JADE2: variants seen among roughly 807,000 people sequenced by gnomAD.
JADE2 encodes jade family PHD finger 2, also known as E3 ubiquitin-protein ligase Jade-2.
Under a neutral mutation model 85.7 loss-of-function variants are expected in JADE2, and 13 were observed. That is an observed-to-expected ratio of 0.15 (90% CI 0.10 to 0.24). The LOEUF (loss-of-function observed/expected upper bound fraction) is 0.24. JADE2 is among the 10% of genes least tolerant of loss of function. JADE2 has a pLI of 1.00. For synonymous variants in JADE2, 440 were observed against 456.1 expected, an observed-to-expected ratio of 0.96 and a Z score of 0.45; for missense variants, 846 against 1,115.9, an observed-to-expected ratio of 0.76 and a Z score of 3.45.
In JADE2 at chr5:134,566,380, G is replaced by A; in HGVS notation, c.1234G>A (p.Glu412Lys). The change falls in exon 9 of 12, where the codon GAG becomes AAG. Residue 412 changes from glutamate (E) to lysine (K), a missense_variant. Physicochemically the swap from Glu to Lys is moderately conservative, Grantham distance 56. Transcript: ENST00000681547. The surrounding 1 kb of genome is among the most constrained non-coding windows in gnomAD (Gnocchi z 6.7). ...EDFYELVEPA[E>K]VAERLDLAEA... Reference sequence around the variant, plus strand: ...CTTCTACGAGCTGGTGGAGCCGGCTGAGGTGGCTGAGCGGCTGGACCTGGC... The same window carrying A: ...CTTCTACGAGCTGGTGGAGCCGGCTAAGGTGGCTGAGCGGCTGGACCTGGC... The A allele has an allele frequency of 6.2e-7, 1 of 1,614,056 alleles. No homozygotes were observed. Among genetic ancestry groups the A allele is most frequent in the Non-Finnish European group, 8.5e-7 (1 of 1,180,004 alleles).
At chr5:134,551,383 C>T (rs1021758424) in intron 3 of JADE2, among the ~76,000 whole-genome samples, 9 of 152,168 alleles carry the variant, frequency 5.9e-5, no homozygotes, top group African/African-American at 2.2e-4. Context: ...CATGTGCGAC[C>T]ACACCCAGCT....
At position 134,562,694 on chromosome 5, in the gene JADE2, T is replaced by C. The variant is rs959565605; in HGVS notation, c.852+327T>C. On this transcript the variant is annotated intron_variant, in intron 7 of 11. Transcript: ENST00000681547. The surrounding 1 kb of genome is among the most constrained non-coding windows in gnomAD (Gnocchi z 4.6). ...CAGGAGAATCACTTGAACCTGGGAGTTGGAGGTTGCAGTGAACCGAGATCG... is the reference window on the plus strand; with the variant it reads ...CAGGAGAATCACTTGAACCTGGGAGCTGGAGGTTGCAGTGAACCGAGATCG... Among the ~76,000 whole-genome samples, 3 of 151,596 alleles carry C rather than the reference T, an allele frequency of 2.0e-5. No homozygotes were observed. Among genetic ancestry groups the C allele is most frequent in the African/African-American group, 7.3e-5 (3 of 41,262 alleles).
chr5:134,565,084 T>G (rs905015824), intron 8 of JADE2, among the ~76,000 whole-genome samples: 3 of 152,196 alleles, frequency 2.0e-5, no homozygotes, highest in African/African-American at 7.2e-5. Context: ...AAACATAGAC[T>G]GCTGGGCCTA....
chr5:134,557,038 C>T (rs2915898), intron 4 of JADE2, among the ~76,000 whole-genome samples: 1 of 144,120 alleles, frequency 6.9e-6, no homozygotes, highest in African/African-American at 2.6e-5. Flanking sequence ...TACACACACA[C>T]CACACACACA....
In JADE2 at chr5:134,576,942, T is replaced by C. The variant is rs1393750744; in HGVS notation, c.1681+46T>C. The C allele has an allele frequency of 5.4e-6, 8 of 1,495,112 alleles. No individual in the cohort carries two copies. The East Asian group carries it at 1.7e-4, about 32-fold the overall frequency. The allele number at this position is 1,495,112 out of a possible 1,614,324, so 92.6% of individuals were successfully genotyped here. A position where few individuals can be genotyped will look rare whatever the true frequency, so the allele number is the denominator to read the frequency against. ...CCTGCAGACACGGCAGGCTTGACCA[T>C]CACCACGCTTGCAGCTCTGTCTGCC... On this transcript the variant is annotated intron_variant, in intron 11 of 11. Transcript: ENST00000681547.
In JADE2 at chr5:134,576,861, T is replaced by C. The variant is rs540844934; in HGVS notation, c.1646T>C (p.Val549Ala). 3.9e-6 allele frequency: 6 copies of C among 1,549,276 alleles called. No individual in the cohort carries two copies. The Admixed American group carries it at 5.9e-5, about 15-fold the overall frequency. The change falls in exon 11 of 12, where the codon GTG becomes GCG. Residue 549 changes from valine to alanine, a missense_variant. Physicochemically the swap from Val to Ala is moderately conservative, Grantham distance 64 (BLOSUM62 0). Coordinates refer to ENST00000681547, the MANE Select transcript of JADE2 (RefSeq NM_001388185.1). ...GGCAGCACTGAGAAGAAAGAGAAAG[T>C]GAAGGCGGGGCCTGACTCAGTCCTG... ...SKGSTEKKEK[V>A]KAGPDSVLGQ... is the part of the protein sequence containing the mutation.
chr5:134,541,768 G>A (rs1761975545), intron 3 of JADE2, among the ~76,000 whole-genome samples: 1 of 150,288 alleles, frequency 6.7e-6, no homozygotes, highest in Non-Finnish European at 1.5e-5. Context: ...GTTTGGGTGG[G>A]ATAGGCAGGG....
rs771138881 is a variant in JADE2 at position 134,579,197 on chromosome 5, C to G, written c.2385C>G (p.Gly795=). 35 of 1,614,096 alleles carry G rather than the reference C, an allele frequency of 2.2e-5. No individual in the cohort carries two copies. The highest frequency in any genetic ancestry group is 2.9e-5 in the Non-Finnish European group (34 of 1,180,046). Residue 795 remains glycine, a synonymous_variant, in exon 12 of 12, where the codon GGC becomes GGG. Coordinates refer to ENST00000681547, the MANE Select transcript of JADE2 (RefSeq NM_001388185.1). The surrounding 1 kb of genome is among the most constrained non-coding windows in gnomAD (Gnocchi z 4.6). ...TGCATTTTGACACTGAGACTGATGG[C>G]TACTTCTCTGATGGGGAGATGAGCG... The part of the protein sequence containing the change: ...VSLHFDTETD[G]YFSDGEMSDS...
chr5:134,543,195 T>G (rs1428831599), intron 3 of JADE2, among the ~76,000 whole-genome samples: 1 of 151,504 alleles, frequency 6.6e-6, no homozygotes, highest in African/African-American at 2.4e-5. Flanking sequence ...CCACCATGCC[T>G]GGCTGATTTT....
intron 4 of JADE2, among the ~76,000 whole-genome samples, chr5:134,556,847 C>T (rs1251277532): frequency 6.9e-6 from 1 of 145,806 alleles, no homozygotes; most frequent in Non-Finnish European, 1.5e-5. Flanking sequence ...TCACACAGCA[C>T]ATACACGCAC....
chr5:134,525,750 G>T lies in JADE2; in HGVS notation c.-262G>T, dbSNP rs1479039212. ...GGCTATTTTTTGGGGGGGGTGAGTA[G>T]CGTCCATGGAGTTACTTTGCGCCCA... On this transcript the variant is annotated 5_prime_UTR_variant, in exon 1 of 12. Transcript: ENST00000681547. 1 of 1,222,912 alleles carries T rather than the reference G, an allele frequency of 8.2e-7. No individual in the cohort carries two copies. Among genetic ancestry groups the T allele is most frequent in the South Asian group, 1.4e-5 (1 of 72,530 alleles). 75.8% of individuals were successfully genotyped at this position (1,222,912 alleles called of 1,614,324 possible).
chr5:134,559,726 C>A, intron 4 of JADE2, 104 bp from the exon 5 acceptor site: 1 of 1,181,056 alleles, frequency 8.5e-7, no homozygotes. Context: ...TGTCAAAGCA[C>A]ACTTGTCCAT....
At chr5:134,570,015 C>T (rs1192730631) in intron 9 of JADE2, among the ~76,000 whole-genome samples, 1 of 152,174 alleles carries the variant, frequency 6.6e-6, no homozygotes, top group East Asian at 1.9e-4. Flanking sequence ...CTCCCAGGCC[C>T]TCCACCCTTC....
intron 6 of JADE2, among the ~76,000 whole-genome samples, 191 bp downstream of exon 6, chr5:134,561,148 A>T (rs1322647418): frequency 6.6e-6 from 1 of 152,190 alleles, no homozygotes; most frequent in African/African-American, 2.4e-5. Flanking sequence ...GGCCAGACTC[A>T]AGCCAGAGCC....
rs1763630497 is a variant in JADE2 at position 134,566,197 on chromosome 5, GACA to G, written c.1054_1056del (p.Asn352del). 1 of 1,613,990 alleles carries G rather than the reference GACA, an allele frequency of 6.2e-7. No homozygotes were observed. The highest frequency in any genetic ancestry group is 1.1e-5 in the South Asian group (1 of 91,092). On this transcript the variant is annotated inframe_deletion, in exon 9 of 12. Coordinates refer to ENST00000681547, the MANE Select transcript of JADE2 (RefSeq NM_001388185.1). The surrounding 1 kb of genome is among the most constrained non-coding windows in gnomAD (Gnocchi z 6.7). The stretch of plus-strand genomic sequence containing the variant: ...CCTGGAAATGCGGACTATATTAGCA[GACA>G]ACGATGAGGTCAAGTTCAAGTCATT...
chr5:134,573,728 G>A lies in JADE2; in HGVS notation c.1518G>A (p.Leu506=). 14 of 1,613,342 alleles carry A rather than the reference G, an allele frequency of 8.7e-6. No individual in the cohort carries two copies. The highest frequency in any genetic ancestry group is 1.3e-5 in the African/African-American group (1 of 75,044). ...AACTCCAGGAGCAGATATTCCACCTGCAGATGAAACTTATTGAACAGGATC... is the reference window on the plus strand; with the variant it reads ...AACTCCAGGAGCAGATATTCCACCTACAGATGAAACTTATTGAACAGGATC... ...ICKLQEQIFH[L]QMKLIEQDLC... Residue 506 remains leucine (L), a synonymous_variant, in exon 10 of 12, where the codon CTG becomes CTA. Transcript: ENST00000681547.
At chr5:134,543,608 C>T (rs1170996462) in intron 3 of JADE2, among the ~76,000 whole-genome samples, 6 of 152,048 alleles carry the variant, frequency 3.9e-5, no homozygotes, top group East Asian at 3.9e-4. Flanking sequence ...GCCCAGGAGG[C>T]GGAGGTTGCA....
chr5:134,578,857 G>A lies in JADE2; in HGVS notation c.2045G>A (p.Gly682Glu), dbSNP rs1289969933. Residue 682 changes from glycine (G) to glutamate (E), a missense_variant, in exon 12 of 12, where the codon GGG becomes GAG. Physicochemically the swap from Gly to Glu is moderately conservative, Grantham distance 98 (BLOSUM62 -2). Around this residue, in one of 9 missense-constraint regions of JADE2, gnomAD observed 300 missense variants for 300.7 expected, o/e 1.00. Transcript: ENST00000681547. The surrounding 1 kb of genome is among the most constrained non-coding windows in gnomAD (Gnocchi z 4.4). ...TWGQDAGSGK[G>E]GQGPPTRKPP... Reference sequence around the variant, plus strand: ...GGCCAGGATGCAGGCAGTGGCAAGGGGGGTCAAGGGCCACCTACCAGGAAG... The same window carrying A: ...GGCCAGGATGCAGGCAGTGGCAAGGAGGGTCAAGGGCCACCTACCAGGAAG... 5.0e-6 allele frequency: 8 copies of A among 1,613,774 alleles called. No homozygotes were observed. The highest frequency in any genetic ancestry group is 2.2e-5 in the South Asian group (2 of 91,078).
chr5:134,547,835 G>C (rs544135462), intron 3 of JADE2, among the ~76,000 whole-genome samples: 2 of 152,182 alleles, frequency 1.3e-5, no homozygotes, highest in South Asian at 4.1e-4. Context: ...CCAGCCCTGC[G>C]GCTCAGCCAG....
Sources: gnomAD v4.1 joint callset for allele counts (sites outside exome capture counted in the v4.1 genomes callset) on GRCh38, gnomAD v4.1.1 for gene constraint, gnomAD v4.1.1 regional missense constraint, Gnocchi (gnomAD v3.1) non-coding constraint, MANE v1.5 for transcripts, NCBI Gene and HGNC (gene_info 2026-07-23, HGNC 2026-07-21) for gene names.